The following DNAH14 variants were observed in gnomAD, a reference collection of about 807,000 sequenced individuals.
DNAH14 encodes the protein axonemal beta dynein heavy chain 14.
Under a neutral mutation model 520.9 loss-of-function variants are expected in DNAH14, and 478 were observed. The ratio of observed to expected loss-of-function variants is 0.92; its 90% confidence interval spans 0.85 to 0.99. The LOEUF (loss-of-function observed/expected upper bound fraction) is 0.99. DNAH14 is among the 50% of genes least tolerant of loss of function. The pLI is 0.00. For missense variants in DNAH14, 4,831 were observed against 5,234.5 expected, an observed-to-expected ratio of 0.92 and a Z score of 2.38; for synonymous variants, 1,581 against 1,757.2, an observed-to-expected ratio of 0.90 and a Z score of 2.51.
chr1:225,387,154 G>A (rs994516108), intron 81 of DNAH14, among the ~76,000 whole-genome samples: 10 of 151,592 alleles, frequency 6.6e-5, no homozygotes, highest in Admixed American at 2.0e-4. Flanking sequence ...ACCAAACACC[G>A]CATATTCTCA....
At position 224,951,456 on chromosome 1, in the gene DNAH14, A is replaced by T. The variant is rs144132167; in HGVS notation, c.-33-1214A>T. Among the ~76,000 whole-genome samples the T allele has an allele frequency of 4.5e-3, 675 of 149,154 alleles. 2 individuals carry two copies. Among genetic ancestry groups the T allele is most frequent in the Non-Finnish European group, 7.1e-3 (481 of 67,476 alleles). ...CCCTTAGGCTCTGTTTTTTCATCTT[A>T]TCTCCAGTTATGGTCAAAGTTGTAT... On this transcript the variant is annotated intron_variant, in intron 1 of 85. Coordinates refer to ENST00000682510, the MANE Select transcript of DNAH14 (RefSeq NM_001367479.1).
At chr1:225,140,602 C>A in intron 27 of DNAH14, 166 bp from the exon 28 acceptor site, 1 of 554,236 alleles carries the variant, frequency 1.8e-6, no homozygotes, top group Non-Finnish European at 3.0e-6. Context: ...AGAATTCAAT[C>A]TTTAGCCCTC....
chr1:225,078,464 T>A (rs2072564248), intron 17 of DNAH14, among the ~76,000 whole-genome samples: 1 of 152,230 alleles, frequency 6.6e-6, no homozygotes, highest in Non-Finnish European at 1.5e-5. Flanking sequence ...TTATTTTATG[T>A]CTTAATAGCA....
At chr1:225,127,413 T>G (rs1487436965) in intron 27 of DNAH14, among the ~76,000 whole-genome samples, 2 of 152,102 alleles carry the variant, frequency 1.3e-5, no homozygotes, top group Middle Eastern at 6.8e-3. Flanking sequence ...GCATATATAT[T>G]TAGGATAGTT....
At chr1:224,982,161 A>G (rs1487852325) in intron 8 of DNAH14, among the ~76,000 whole-genome samples, 1 of 152,176 alleles carries the variant, frequency 6.6e-6, no homozygotes, top group Non-Finnish European at 1.5e-5. Context: ...AATCATTCCT[A>G]GAACTACTCT....
chr1:225,200,592 T>A (rs530226281), intron 38 of DNAH14, among the ~76,000 whole-genome samples: 5 of 152,288 alleles, frequency 3.3e-5, no homozygotes, highest in African/African-American at 9.6e-5. Context: ...TTTGTTTGAC[T>A]GTATCTGTCC....
At chr1:225,267,292 C>CTT (rs776025994) in intron 49 of DNAH14, among the ~76,000 whole-genome samples, 95 of 131,376 alleles carry the variant, frequency 7.2e-4, no homozygotes, top group Non-Finnish European at 9.2e-4. Context: ...GAATGGCTTC[C>CTT]TTTTTTTTTT....
At chr1:225,250,428 G>C (rs2092490177) in intron 43 of DNAH14, among the ~76,000 whole-genome samples, 1 of 152,216 alleles carries the variant, frequency 6.6e-6, no homozygotes. Context: ...CTTCTGTACA[G>C]ACTGTAAGCT....
intron 7 of DNAH14, among the ~76,000 whole-genome samples, chr1:224,971,787 G>A (rs1470974541): frequency 6.6e-6 from 1 of 152,198 alleles, no homozygotes. Context: ...CTGGAATGAA[G>A]TTGGTAGGAA....
rs2096059016 is a variant in DNAH14, at chr1:225,398,664, A to C, written c.13636A>C (p.Lys4546Gln). The change falls in exon 85 of 86, where the codon AAG (lysine) becomes CAG (glutamine). Residue 4546 changes from lysine (K) to glutamine (Q), a missense_variant and splice_region_variant. Lys to Gln is a moderately conservative substitution (Grantham distance 53). Coordinates refer to ENST00000682510, the MANE Select transcript of DNAH14 (RefSeq NM_001367479.1). ...DFPDIYFLPT[K>Q]ISTKTPNASN... ...TCCCGACATATACTTTTTGCCAACA[A>C]AGGTAATCACCCTGCTATTATCCTG... 9 of 1,551,562 alleles carry C rather than the reference A, an allele frequency of 5.8e-6. No individual in the cohort carries two copies. The highest frequency in any genetic ancestry group is 1.4e-5 in the African/African-American group (1 of 73,056).
At chr1:225,395,390 G>A (rs1015850790) in intron 84 of DNAH14, among the ~76,000 whole-genome samples, 2 of 152,080 alleles carry the variant, frequency 1.3e-5, no homozygotes, top group Non-Finnish European at 2.9e-5. Flanking sequence ...TCAGGAGATC[G>A]AGACCATCCT....
At chr1:224,949,711 G>T (rs2060052476) in intron 1 of DNAH14, among the ~76,000 whole-genome samples, 1 of 151,932 alleles carries the variant, frequency 6.6e-6, no homozygotes, top group Non-Finnish European at 1.5e-5. Flanking sequence ...CACATAATTT[G>T]TTTTGCCTCT....
rs1222314025 is a variant in DNAH14, at chr1:225,335,140, CACATGTGT to C, written c.10080+1643_10080+1650del. ...ATACATGTGTACATATGTGCATGTGCACATGTGTACATGTGTGCATGTGTGCATGTGTA... is the reference window on the plus strand; with the variant it reads ...ATACATGTGTACATATGTGCATGTGCACATGTGTGCATGTGTGCATGTGTA... On this transcript the variant is annotated intron_variant, in intron 66 of 85. Transcript: ENST00000682510. 7.0e-4 allele frequency among the ~76,000 whole-genome samples: 77 copies of C among 109,270 alleles called. 1 individual carries two copies. The highest frequency in any genetic ancestry group is 2.2e-3 in the African/African-American group (56 of 25,152). 71.7% of individuals were successfully genotyped at this position (109,270 alleles called of 152,430 possible).
At chr1:225,328,006 G>A (rs1343664484) in intron 64 of DNAH14, among the ~76,000 whole-genome samples, 3 of 152,202 alleles carry the variant, frequency 2.0e-5, no homozygotes, top group Admixed American at 6.5e-5. Flanking sequence ...AGTTCCAAGA[G>A]AAGAGATGAG....
intron 3 of DNAH14, 94 bp downstream of exon 3, chr1:224,955,192 A>G: frequency 7.6e-7 from 1 of 1,312,788 alleles, no homozygotes; most frequent in African/African-American, 1.5e-5. Flanking sequence ...TAAGGAAACA[A>G]GTGAAACATA....
At chr1:224,949,350 A>T (rs992441250) in intron 1 of DNAH14, among the ~76,000 whole-genome samples, 92 of 152,176 alleles carry the variant, frequency 6.0e-4, no homozygotes, top group Middle Eastern at 6.8e-3. Context: ...GTGTGTATCC[A>T]CATGTGGCTG....
intron 23 of DNAH14, among the ~76,000 whole-genome samples, chr1:225,110,881 C>T (rs1166368611): frequency 6.6e-6 from 1 of 152,016 alleles, no homozygotes; most frequent in African/African-American, 2.4e-5. Flanking sequence ...TTGACACTGA[C>T]ATGGTCATTC....
At chr1:224,958,340 G>A (rs2060633836) in intron 3 of DNAH14, among the ~76,000 whole-genome samples, 1 of 152,002 alleles carries the variant, frequency 6.6e-6, no homozygotes, top group Non-Finnish European at 1.5e-5. Flanking sequence ...GAATTTTGGG[G>A]GTTACCAATC....
intron 58 of DNAH14, among the ~76,000 whole-genome samples, chr1:225,306,875 C>A (rs1001700038): frequency 6.6e-6 from 1 of 151,948 alleles, no homozygotes; most frequent in East Asian, 1.9e-4. Flanking sequence ...CACCACTGCC[C>A]GGCTCTTCTT....
Sources: allele counts gnomAD v4.1 joint callset (sites outside exome capture counted in the v4.1 genomes callset), GRCh38; gene constraint gnomAD v4.1.1; transcripts MANE v1.5; gene names NCBI Gene and HGNC (gene_info 2026-07-23, HGNC 2026-07-21).